Variants in FHIP1A observed in about 807,000 individuals in gnomAD.
FHIP1A encodes FHF complex subunit HOOK-interacting protein 1A.
In FHIP1A, 61 loss-of-function variants were observed where a neutral mutation model predicts 88.6. The ratio of observed to expected loss-of-function variants is 0.69; its 90% confidence interval spans 0.56 to 0.85. The LOEUF (loss-of-function observed/expected upper bound fraction) is 0.85, where lower values mean the gene tolerates loss of function less well. FHIP1A is among the 40% of genes least tolerant of loss of function. The pLI is 0.00. For missense variants in FHIP1A, 1,154 were observed against 1,273.5 expected (o/e 0.91, Z 1.43); for synonymous variants, 478 against 496.0 (o/e 0.96, Z 0.48).
At chr4:151,416,235 G>T (rs555213535) in intron 1 of FHIP1A, among the ~76,000 whole-genome samples, 2 of 152,302 alleles carry the variant, frequency 1.3e-5, no homozygotes, top group East Asian at 1.9e-4. Flanking sequence ...AGGAATTCCT[G>T]TGGCAAAGTT....
At chr4:151,501,700 A>C (rs1478323958) in intron 3 of FHIP1A, among the ~76,000 whole-genome samples, 1 of 150,352 alleles carries the variant, frequency 6.7e-6, no homozygotes, top group African/African-American at 2.4e-5. Context: ...CATGTTTTTT[A>C]TGTTGGTCAT....
At chr4:151,414,004 C>T (rs1732785178) in intron 1 of FHIP1A, among the ~76,000 whole-genome samples, 1 of 151,774 alleles carries the variant, frequency 6.6e-6, no homozygotes, top group Non-Finnish European at 1.5e-5. Context: ...AGTGATTCTT[C>T]AGTTTCCTTT....
chr4:151,425,959 C>G lies in FHIP1A; in HGVS notation c.-356+16494C>G, dbSNP rs564339152. Among the ~76,000 whole-genome samples, 11 of 152,212 alleles carry G rather than the reference C, an allele frequency of 7.2e-5. No homozygotes were observed. The South Asian group carries it at 2.1e-3, about 29-fold the overall frequency. ...CTGGATAATCCAAGATAAACTCTTC[C>G]CTGGAATCCTTAATTTAGTCACATC... On this transcript the variant is annotated intron_variant, in intron 1 of 13. Coordinates refer to ENST00000435205, the MANE Select transcript of FHIP1A (RefSeq NM_001109977.3).
chr4:151,609,567 A>G (rs1735216450), intron 7 of FHIP1A, among the ~76,000 whole-genome samples: 1 of 143,488 alleles, frequency 7.0e-6, no homozygotes, highest in Admixed American at 7.1e-5. Context: ...CAATTGGAAC[A>G]TTTGCTTCTT....
chr4:151,508,046 T>C (rs1357132657), intron 3 of FHIP1A, among the ~76,000 whole-genome samples: 1 of 152,154 alleles, frequency 6.6e-6, no homozygotes, highest in Non-Finnish European at 1.5e-5. Context: ...GAGGAAGTGG[T>C]ACAGGAAGAC....
chr4:151,633,433 C>T (rs1736230143), intron 8 of FHIP1A, among the ~76,000 whole-genome samples: 1 of 151,860 alleles, frequency 6.6e-6, no homozygotes. Context: ...ACCTGAAGAT[C>T]CAGGAACATT....
intron 7 of FHIP1A, among the ~76,000 whole-genome samples, chr4:151,623,674 A>G (rs574205624): frequency 6.6e-6 from 1 of 152,218 alleles, no homozygotes; most frequent in African/African-American, 2.4e-5. Flanking sequence ...AAAGATATTG[A>G]TTATCCCCAT....
chr4:151,584,862 T>A (rs1340997620), intron 5 of FHIP1A, among the ~76,000 whole-genome samples: 1 of 152,138 alleles, frequency 6.6e-6, no homozygotes, highest in African/African-American at 2.4e-5. Context: ...TTCCCCCTAC[T>A]CTTTTTCTGG....
chr4:151,608,258 T>A (rs981736173), intron 7 of FHIP1A, among the ~76,000 whole-genome samples: 1 of 151,956 alleles, frequency 6.6e-6, no homozygotes, highest in Non-Finnish European at 1.5e-5. Flanking sequence ...TTGGCCAGGC[T>A]GGTCTCAAAC....
chr4:151,619,376 A>G (rs879805446), intron 7 of FHIP1A, among the ~76,000 whole-genome samples: 1 of 152,200 alleles, frequency 6.6e-6, no homozygotes, highest in African/African-American at 2.4e-5. Context: ...ATATTTTTAA[A>G]CAGATTTCAA....
chr4:151,509,162 T>TG (rs1439558040), intron 3 of FHIP1A, among the ~76,000 whole-genome samples: 2 of 152,230 alleles, frequency 1.3e-5, no homozygotes, highest in East Asian at 3.9e-4. Flanking sequence ...TAAGTATTTT[T>TG]TTTGTTTGTT....
intron 1 of FHIP1A, among the ~76,000 whole-genome samples, chr4:151,430,384 C>G (rs1451082853): frequency 6.6e-6 from 1 of 152,234 alleles, no homozygotes; most frequent in Non-Finnish European, 1.5e-5. Context: ...TGAAAGATCA[C>G]AGAACTGGGA....
intron 3 of FHIP1A, among the ~76,000 whole-genome samples, chr4:151,543,836 A>C (rs1732387160): frequency 6.6e-6 from 1 of 152,218 alleles, no homozygotes; most frequent in African/African-American, 2.4e-5. Context: ...CTACAATTAA[A>C]TGGATCAAAG....
chr4:151,567,022 C>T (rs544471870), intron 4 of FHIP1A, among the ~76,000 whole-genome samples: 44 of 152,186 alleles, frequency 2.9e-4, no homozygotes, highest in Admixed American at 7.9e-4. Context: ...TAATGAAAAA[C>T]GCCTGAGTAT....
chr4:151,453,214 C>T (rs980434525), intron 1 of FHIP1A, among the ~76,000 whole-genome samples: 7 of 152,060 alleles, frequency 4.6e-5, no homozygotes, highest in Non-Finnish European at 8.8e-5. Flanking sequence ...TAGTGTTTCA[C>T]CATGTTGGCC....
chr4:151,528,366 A>G (rs148677115), intron 3 of FHIP1A, among the ~76,000 whole-genome samples: 190 of 152,360 alleles, frequency 1.2e-3, no homozygotes, highest in East Asian at 9.1e-3. Flanking sequence ...GTAGATAGCT[A>G]TGAAATGTAC....
At chr4:151,415,748 A>G (rs1732866403) in intron 1 of FHIP1A, among the ~76,000 whole-genome samples, 1 of 152,224 alleles carries the variant, frequency 6.6e-6, no homozygotes, top group Admixed American at 6.5e-5. Context: ...TTATTAATAG[A>G]TGACCAGCCA....
chr4:151,645,205 T>C (rs577747724), intron 9 of FHIP1A, among the ~76,000 whole-genome samples: 1 of 152,276 alleles, frequency 6.6e-6, no homozygotes, highest in South Asian at 2.1e-4. Flanking sequence ...AATATATATC[T>C]GCCCATGGAG....
intron 5 of FHIP1A, among the ~76,000 whole-genome samples, chr4:151,581,292 G>C: frequency 6.6e-6 from 1 of 152,174 alleles, no homozygotes; most frequent in Non-Finnish European, 1.5e-5. Context: ...CTTTTTGGGG[G>C]TGAAGGAAGG....
Sources: gnomAD v4.1 joint callset for allele counts (sites outside exome capture counted in the v4.1 genomes callset) on GRCh38, gnomAD v4.1.1 for gene constraint, MANE v1.5 for transcripts, NCBI Gene and HGNC (gene_info 2026-07-23, HGNC 2026-07-21) for gene names.